The following VEZT variants were observed in gnomAD, a reference collection of about 807,000 sequenced individuals.
The protein encoded by VEZT is vezatin.
Under a neutral mutation model 79.9 loss-of-function variants are expected in VEZT, and 39 were observed. The observed-to-expected ratio is 0.49, with a 90% CI of 0.38 to 0.64. The LOEUF (loss-of-function observed/expected upper bound fraction) is 0.64. Among genes scored for constraint, VEZT ranks in the 30% least tolerant of loss-of-function variants. VEZT has a pLI of 0.00. For missense variants in VEZT, 837 were observed against 893.1 expected, an observed-to-expected ratio of 0.94 and a Z score of 0.80; for synonymous variants, 325 against 327.6, an observed-to-expected ratio of 0.99 and a Z score of 0.09.
At chr12:95,280,880 G>A (rs2068911926) in intron 7 of VEZT, among the ~76,000 whole-genome samples, 1 of 152,042 alleles carries the variant, frequency 6.6e-6, no homozygotes. Context: ...TGCAAGTCAA[G>A]AATCCCTAGA....
In VEZT at chr12:95,270,260, T is replaced by G. The variant is rs1443304054; in HGVS notation, c.848+72T>G. On this transcript the variant is annotated intron_variant, in intron 6 of 11. Transcript: ENST00000436874. ...CCTGAATATAGATATTATAGTTGTA[T>G]CCTGTGAAAGTTTACTGTAAAGTGA... is the stretch of plus-strand genomic sequence containing the variant. The G allele has an allele frequency of 2.8e-6, 4 of 1,444,370 alleles. No homozygotes were observed. The East Asian group carries it at 7.9e-5, about 29-fold the overall frequency. 89.5% of individuals were successfully genotyped at this position (1,444,370 alleles called of 1,614,324 possible). A position where few individuals can be genotyped will look rare whatever the true frequency, so the allele number is the denominator to read the frequency against.
intron 1 of VEZT, among the ~76,000 whole-genome samples, chr12:95,235,800 G>GCTGCAATCTC (rs2060050375): frequency 6.6e-6 from 1 of 150,910 alleles, no homozygotes; most frequent in African/African-American, 2.4e-5. Flanking sequence ...CCGGGCAGAG[G>GCTGCAATCTC]GGCTCCTCAC....
chr12:95,250,490 A>T (rs1194910413), intron 1 of VEZT, among the ~76,000 whole-genome samples: 1 of 151,222 alleles, frequency 6.6e-6, no homozygotes, highest in South Asian at 2.1e-4. Context: ...TTTAGTAGAG[A>T]CAGGGTTTCA....
intron 1 of VEZT, chr12:95,242,448 G>A (rs1310909224): frequency 6.5e-6 from 1 of 154,084 alleles, no homozygotes; most frequent in Non-Finnish European, 1.4e-5. Flanking sequence ...TTTAGAGACA[G>A]GATTTTGCTA....
chr12:95,219,476 G>A (rs899989868), intron 1 of VEZT, among the ~76,000 whole-genome samples: 1 of 152,124 alleles, frequency 6.6e-6, no homozygotes, highest in Non-Finnish European at 1.5e-5. Flanking sequence ...GGTATACCAC[G>A]TAGAATTTTG....
chr12:95,257,697 G>A (rs556478619), intron 3 of VEZT, among the ~76,000 whole-genome samples: 2 of 152,064 alleles, frequency 1.3e-5, no homozygotes, highest in African/African-American at 2.4e-5. Flanking sequence ...ACCTTCTGAC[G>A]TCCTAACAAT....
In VEZT at chr12:95,296,069, G is replaced by A. The variant is rs750869300; in HGVS notation, c.1642G>A (p.Asp548Asn). 1.2e-5 allele frequency: 18 copies of A among 1,551,582 alleles called. No homozygotes were observed. In the African/African-American group the frequency reaches 2.3e-4, roughly 20 times the overall value. ...TTTTCAGGAATTAGAAGCTTATGTA[G>A]ATGATATAGATATTGATAGTGATTT... The part of the protein sequence containing the change: ...PEEQELEAYV[D>N]DIDIDSDFRK... Residue 548 changes from aspartate (D) to asparagine (N), a missense_variant, in exon 11 of 12, where the codon GAT becomes AAT. Asp to Asn is a conservative substitution (Grantham distance 23, BLOSUM62 1). Coordinates refer to ENST00000436874, the MANE Select transcript of VEZT (RefSeq NM_017599.4).
intron 1 of VEZT, among the ~76,000 whole-genome samples, chr12:95,225,535 C>A (rs997611416): frequency 8.6e-5 from 13 of 151,662 alleles, no homozygotes; most frequent in Admixed American, 8.5e-4. Context: ...CCAGCGTGGG[C>A]GATAGAGCAA....
At chr12:95,292,629 A>G (rs1447558747) in intron 9 of VEZT, among the ~76,000 whole-genome samples, 1 of 150,954 alleles carries the variant, frequency 6.6e-6, no homozygotes, top group African/African-American at 2.4e-5. Flanking sequence ...CCTCACTGCA[A>G]CCTCCGCCTC....
At chr12:95,226,499 A>G (rs2058514763) in intron 1 of VEZT, among the ~76,000 whole-genome samples, 1 of 152,152 alleles carries the variant, frequency 6.6e-6, no homozygotes, top group South Asian at 2.1e-4. Flanking sequence ...AGAGAATTAC[A>G]TGCTGCATGA....
At chr12:95,257,672 G>C (rs890732684) in intron 3 of VEZT, among the ~76,000 whole-genome samples, 1 of 152,036 alleles carries the variant, frequency 6.6e-6, no homozygotes, top group Non-Finnish European at 1.5e-5. Context: ...AGAACTCCAG[G>C]GGGGAAATAC....
intron 11 of VEZT, among the ~76,000 whole-genome samples, chr12:95,298,452 GGTTTTGTTTT>G (rs922549431): frequency 6.6e-6 from 1 of 152,020 alleles, no homozygotes; most frequent in South Asian, 2.1e-4. Context: ...ATATGTTCAG[GGTTTTGTTTT>G]GTTTTGTTTT....
At position 95,300,648 on chromosome 12, in the gene VEZT, A is replaced by C; in HGVS notation, c.2315A>C (p.Asn772Thr). Residue 772 changes from asparagine (N) to threonine (T), a missense_variant, in exon 12 of 12, where the codon AAT (asparagine) becomes ACT (threonine). Physicochemically the swap from Asn to Thr is moderately conservative, Grantham distance 65 (BLOSUM62 0). Transcript: ENST00000436874. ...GEEEEQIIEE[N>T]KNEIEEK The stretch of plus-strand genomic sequence containing the variant: ...GAGGAAGAACAAATAATAGAAGAAA[A>C]TAAAAATGAGATAGAAGAAAAGTAA... 1 of 1,589,998 alleles carries C rather than the reference A, an allele frequency of 6.3e-7. No homozygotes were observed. Among genetic ancestry groups the C allele is most frequent in the Non-Finnish European group, 8.6e-7 (1 of 1,165,258 alleles).
intron 7 of VEZT, among the ~76,000 whole-genome samples, chr12:95,279,786 G>C (rs914296307): frequency 2.6e-5 from 4 of 152,128 alleles, no homozygotes; most frequent in African/African-American, 9.7e-5. Context: ...TGTAGAGGCA[G>C]GGGTCTCACT....
chr12:95,243,417 T>C (rs1161095580), intron 1 of VEZT, among the ~76,000 whole-genome samples: 2 of 151,518 alleles, frequency 1.3e-5, no homozygotes, highest in African/African-American at 2.4e-5. Flanking sequence ...AGCTTCAGCT[T>C]CAGCAGCTGT....
In VEZT at chr12:95,266,494, C is replaced by T. The variant is rs777376726; in HGVS notation, c.572C>T (p.Ala191Val). 6.8e-6 allele frequency: 11 copies of T among 1,613,858 alleles called. No individual in the cohort carries two copies. The South Asian group carries it at 9.9e-5, about 14-fold the overall frequency. Reference sequence around the variant, plus strand: ...AGAGCTTTGAGATTATGGAGGACAGCCAAACTACAAGTGACCCTAAAAAAA... The same window carrying T: ...AGAGCTTTGAGATTATGGAGGACAGTCAAACTACAAGTGACCCTAAAAAAA... ...VIRALRLWRT[A>V]KLQVTLKKYS... Residue 191 changes from alanine to valine, a missense_variant, in exon 5 of 12, where the codon GCC (alanine) becomes GTC (valine). Ala to Val is a moderately conservative substitution (Grantham distance 64, BLOSUM62 0). Transcript: ENST00000436874.
chr12:95,232,134 C>T (rs1565998505), intron 1 of VEZT, among the ~76,000 whole-genome samples: 1 of 152,114 alleles, frequency 6.6e-6, no homozygotes, highest in Non-Finnish European at 1.5e-5. Flanking sequence ...GTGATAGTCA[C>T]ATTTAGACCT....
At chr12:95,259,565 G>T (rs532542884) in intron 3 of VEZT, among the ~76,000 whole-genome samples, 1 of 152,196 alleles carries the variant, frequency 6.6e-6, no homozygotes, top group Non-Finnish European at 1.5e-5. Flanking sequence ...TTAAGTTGTG[G>T]AGCAAGGATA....
rs537503839 is a variant in VEZT, at chr12:95,302,222, G to C, written c.*1549G>C. ...GAAGAAGCAATTATGGAAAAACTTG[G>C]TAATCTCTCTCAACCTATAACCTTA... On this transcript the variant is annotated 3_prime_UTR_variant, in exon 12 of 12. Transcript: ENST00000436874. 6.6e-6 allele frequency: 1 copy of C among 152,168 alleles called. No homozygotes were observed. The highest frequency in any genetic ancestry group is 1.9e-4 in the East Asian group (1 of 5,190). The allele number at this position is 152,168 out of a possible 1,614,324, so 9.4% of individuals were successfully genotyped here. A position where few individuals can be genotyped will look rare whatever the true frequency, so the allele number is the denominator to read the frequency against.
Sources: allele counts gnomAD v4.1 joint callset (sites outside exome capture counted in the v4.1 genomes callset), GRCh38; gene constraint gnomAD v4.1.1; transcripts MANE v1.5; gene names NCBI Gene and HGNC (gene_info 2026-07-23, HGNC 2026-07-21).